Variants in GOLM2 observed in about 807,000 individuals in gnomAD.
The protein encoded by GOLM2 is golgi membrane protein 2.
Under a neutral mutation model 55.9 loss-of-function variants are expected in GOLM2, and 26 were observed. The observed-to-expected ratio is 0.47, with a 90% CI of 0.34 to 0.65. GOLM2 has a LOEUF of 0.65. Ranked by LOEUF, GOLM2 falls within the 30% of genes least tolerant of loss-of-function variation. GOLM2 has a pLI of 0.01. For missense variants in GOLM2, 486 were observed against 531.8 expected (o/e 0.91, Z 0.85); for synonymous variants, 165 against 194.6 (o/e 0.85, Z 1.27).
rs376493508 is a variant in GOLM2 at position 44,370,362 on chromosome 15, C to T, written c.803-9328C>T. Reference sequence around the variant, plus strand: ...TTTTATTTTGTTTTTAGTCTCAGAGCATGGCCTTTAACTCTAGAGTGTGGC... The same window carrying T: ...TTTTATTTTGTTTTTAGTCTCAGAGTATGGCCTTTAACTCTAGAGTGTGGC... On this transcript the variant is annotated intron_variant, in intron 6 of 9. Transcript: ENST00000299957. Among the ~76,000 whole-genome samples the T allele has an allele frequency of 5.6e-4, 86 of 152,306 alleles. 1 individual carries two copies. The highest frequency in any genetic ancestry group is 2.0e-3 in the African/African-American group (85 of 41,572).
At chr15:44,370,178 A>T (rs1453479613) in intron 6 of GOLM2, among the ~76,000 whole-genome samples, 1 of 152,134 alleles carries the variant, frequency 6.6e-6, no homozygotes, top group African/African-American at 2.4e-5. Context: ...TCAAATGTTA[A>T]TCTCCTTTGG....
intron 8 of GOLM2, chr15:44,390,051 G>T (rs1013594202): frequency 6.6e-6 from 1 of 152,048 alleles, no homozygotes; most frequent in Non-Finnish European, 1.5e-5. Flanking sequence ...TACTTATATT[G>T]ATATATTTAT....
chr15:44,353,431 A>G (rs969752061), intron 6 of GOLM2, among the ~76,000 whole-genome samples: 2 of 152,194 alleles, frequency 1.3e-5, no homozygotes, highest in Non-Finnish European at 2.9e-5. Flanking sequence ...ATATGCAGAA[A>G]AATATATATA....
At chr15:44,359,028 G>A (rs1469770356) in intron 6 of GOLM2, among the ~76,000 whole-genome samples, 1 of 151,802 alleles carries the variant, frequency 6.6e-6, no homozygotes, top group Non-Finnish European at 1.5e-5. Context: ...GTGGTGCCGG[G>A]CGCCTCAGCT....
chr15:44,306,811 C>T (rs1486160346), intron 1 of GOLM2, among the ~76,000 whole-genome samples: 2 of 152,122 alleles, frequency 1.3e-5, no homozygotes, highest in African/African-American at 2.4e-5. Context: ...CTCCCGTTAT[C>T]GTCTCCCCAA....
chr15:44,347,447 G>A (rs976397205), intron 6 of GOLM2, among the ~76,000 whole-genome samples: 1 of 152,158 alleles, frequency 6.6e-6, no homozygotes, highest in African/African-American at 2.4e-5. Context: ...CTTTGCACTG[G>A]AACTTAGTGC....
intron 8 of GOLM2, among the ~76,000 whole-genome samples, chr15:44,382,920 CAAAAAA>C (rs748415327): frequency 1.7e-5 from 1 of 57,656 alleles, no homozygotes; most frequent in South Asian, 5.3e-4. Flanking sequence ...GAGACTCTGT[CAAAAAA>C]AAAAAAAAAA....
At chr15:44,363,503 C>A (rs1000325430) in intron 6 of GOLM2, among the ~76,000 whole-genome samples, 1 of 152,224 alleles carries the variant, frequency 6.6e-6, no homozygotes, top group Non-Finnish European at 1.5e-5. Flanking sequence ...GATATCATCT[C>A]ACACCAGTTA....
At chr15:44,401,243 A>G (rs1009361242) in intron 8 of GOLM2, among the ~76,000 whole-genome samples, 15 of 151,930 alleles carry the variant, frequency 9.9e-5, no homozygotes, top group African/African-American at 3.6e-4. Flanking sequence ...TCCCAAGTAG[A>G]TGAGACTACA....
At chr15:44,307,229 T>C (rs1255796343) in intron 1 of GOLM2, 1 of 153,910 alleles carries the variant, frequency 6.5e-6, no homozygotes, top group Non-Finnish European at 1.5e-5. Flanking sequence ...TTTTTTTTTT[T>C]TGAGACAGAG....
intron 6 of GOLM2, among the ~76,000 whole-genome samples, chr15:44,378,153 A>G (rs560073757): frequency 2.6e-5 from 4 of 151,402 alleles, no homozygotes; most frequent in South Asian, 4.2e-4. Flanking sequence ...GGTTCACGCC[A>G]TTCTCCTGCC....
rs2079093989 is a variant in GOLM2 at position 44,342,084 on chromosome 15, C to T, written c.802+3767C>T. On this transcript the variant is annotated intron_variant, in intron 6 of 9. Coordinates refer to ENST00000299957, the MANE Select transcript of GOLM2 (RefSeq NM_138423.4). Reference sequence around the variant, plus strand: ...TCTGATTTTTACAATGTGAACTTGCCATATGCAACTTACATGGTTGCAGCA... The same window carrying T: ...TCTGATTTTTACAATGTGAACTTGCTATATGCAACTTACATGGTTGCAGCA... Among the ~76,000 whole-genome samples the T allele has an allele frequency of 2.0e-5, 3 of 152,048 alleles. No homozygotes were observed. In the South Asian group the frequency reaches 6.2e-4, roughly 32 times the overall value.
intron 1 of GOLM2, among the ~76,000 whole-genome samples, chr15:44,320,584 C>T (rs1308914747): frequency 6.6e-6 from 1 of 152,186 alleles, no homozygotes; most frequent in African/African-American, 2.4e-5. Flanking sequence ...GGATTCTAGG[C>T]ATAAACCACT....
At chr15:44,338,834 T>C (rs986507748) in intron 6 of GOLM2, among the ~76,000 whole-genome samples, 26 of 152,184 alleles carry the variant, frequency 1.7e-4, no homozygotes, top group African/African-American at 6.0e-4. Flanking sequence ...GTTCATTGTA[T>C]GTCTCTTTCC....
chr15:44,348,221 G>A (rs555960605), intron 6 of GOLM2, among the ~76,000 whole-genome samples: 1 of 151,030 alleles, frequency 6.6e-6, no homozygotes, highest in African/African-American at 2.4e-5. Flanking sequence ...GGTCATAGTT[G>A]GGAAGAGTAC....
chr15:44,295,907 C>G (rs905790125), intron 1 of GOLM2, among the ~76,000 whole-genome samples: 1 of 149,832 alleles, frequency 6.7e-6, no homozygotes, highest in African/African-American at 2.5e-5. Context: ...CAAGGGAGAT[C>G]CACCACACAT....
chr15:44,330,615 C>T (rs115760126), intron 3 of GOLM2, among the ~76,000 whole-genome samples: 22 of 151,750 alleles, frequency 1.4e-4, no homozygotes, highest in African/African-American at 5.3e-4. Context: ...CCTGTGGTCC[C>T]AGCTACTTGG....
intron 1 of GOLM2, among the ~76,000 whole-genome samples, chr15:44,310,502 C>CCA (rs34821071): frequency 0.069 from 8,621 of 124,372 alleles, 280 homozygotes; most frequent in East Asian, 0.12. Flanking sequence ...ACACACACAC[C>CCA]CACACACACA....
At chr15:44,386,036 T>G (rs1440737148) in intron 8 of GOLM2, among the ~76,000 whole-genome samples, 1 of 152,226 alleles carries the variant, frequency 6.6e-6, no homozygotes, top group African/African-American at 2.4e-5. Context: ...AGTTTTTAAT[T>G]TTGATGAGGT....
Sources: gnomAD v4.1 joint callset for allele counts (sites outside exome capture counted in the v4.1 genomes callset) on GRCh38, gnomAD v4.1.1 for gene constraint, MANE v1.5 for transcripts, NCBI Gene and HGNC (gene_info 2026-07-23, HGNC 2026-07-21) for gene names.